Variants in SULF1 observed in about 807,000 individuals in gnomAD.
SULF1 encodes the protein extracellular sulfatase Sulf-1.
Under a neutral mutation model 110.5 loss-of-function variants are expected in SULF1, and 46 were observed. The ratio of observed to expected loss-of-function variants is 0.42; its 90% CI spans 0.33 to 0.53. The LOEUF (loss-of-function observed/expected upper bound fraction) is 0.53. SULF1 is among the 20% of genes least tolerant of loss of function. SULF1 has a pLI of 0.12. For missense variants in SULF1, 941 were observed against 1,094.2 expected, an observed-to-expected ratio of 0.86 and a Z score of 1.98; for synonymous variants, 371 against 387.1, an observed-to-expected ratio of 0.96 and a Z score of 0.49.
chr8:69,616,487 C>T (rs896673103), intron 13 of SULF1, among the ~76,000 whole-genome samples: 19 of 151,762 alleles, frequency 1.3e-4, no homozygotes, highest in East Asian at 9.7e-4. Context: ...CGGCAACCTC[C>T]GCCTCCCAGG....
intron 22 of SULF1, among the ~76,000 whole-genome samples, chr8:69,643,810 G>T (rs1345640442): frequency 1.3e-5 from 2 of 152,224 alleles, no homozygotes; most frequent in Non-Finnish European, 2.9e-5. Flanking sequence ...AGCTCAGAAG[G>T]TGGCACTCAT....
At chr8:69,470,736 C>T (rs917320103) in intron 1 of SULF1, among the ~76,000 whole-genome samples, 1 of 152,184 alleles carries the variant, frequency 6.6e-6, no homozygotes, top group Non-Finnish European at 1.5e-5. Context: ...TAAACCCTTA[C>T]TACCCATAAA....
chr8:69,590,151 A>C (rs1362533363), intron 8 of SULF1, among the ~76,000 whole-genome samples: 14 of 152,102 alleles, frequency 9.2e-5, no homozygotes, highest in Non-Finnish European at 8.8e-5. Flanking sequence ...ATCCCTAGAG[A>C]AGTTTTTATA....
upstream of SULF1, among the ~76,000 whole-genome samples, chr8:69,488,274 C>A (rs760769405): frequency 6.6e-6 from 1 of 152,176 alleles, no homozygotes; most frequent in Non-Finnish European, 1.5e-5. Context: ...AGAAAAAATT[C>A]TTCCTGCTAC....
At chr8:69,566,866 T>C (rs948617423) in intron 5 of SULF1, among the ~76,000 whole-genome samples, 1 of 152,102 alleles carries the variant, frequency 6.6e-6, no homozygotes, top group Non-Finnish European at 1.5e-5. Context: ...AAAAAAGAAC[T>C]AGCTTGTTTA....
chr8:69,562,025 C>T (rs1029951546), intron 3 of SULF1, among the ~76,000 whole-genome samples: 1 of 152,222 alleles, frequency 6.6e-6, no homozygotes, highest in Non-Finnish European at 1.5e-5. Flanking sequence ...TTAGTGACTT[C>T]TACAGGGCTG....
chr8:69,638,989 C>T lies in SULF1; in HGVS notation c.2551+131C>T, dbSNP rs961969444. Reference sequence around the variant, plus strand: ...ATACTTAGAGGAGACACTTTCCAGGCAATTCTAAATACAATTTGATCTCTA... The same window carrying T: ...ATACTTAGAGGAGACACTTTCCAGGTAATTCTAAATACAATTTGATCTCTA... On this transcript the variant is annotated intron_variant, in intron 21 of 22. Coordinates refer to ENST00000402687, the MANE Select transcript of SULF1 (RefSeq NM_001128205.2). 188 of 920,208 alleles carry T rather than the reference C, an allele frequency of 2.0e-4. No homozygotes were observed. The African/African-American group carries it at 2.5e-3, about 12-fold the overall frequency. The allele number at this position is 920,208 out of a possible 1,614,324, so 57.0% of individuals were successfully genotyped here. A position where few individuals can be genotyped will look rare whatever the true frequency, so the allele number is the denominator to read the frequency against.
In SULF1 at chr8:69,656,646, A is replaced by G. The variant is rs184695776; in HGVS notation, c.2586-1859A>G. Reference sequence around the variant, plus strand: ...CTTCATCCATGTCCCTGAATAGGAAATGATCTCATTCCTTTTTATGGCTGC... The same window carrying G: ...CTTCATCCATGTCCCTGAATAGGAAGTGATCTCATTCCTTTTTATGGCTGC... On this transcript the variant is annotated intron_variant, in intron 22 of 22. Coordinates refer to ENST00000402687, the MANE Select transcript of SULF1 (RefSeq NM_001128205.2). 3.3e-3 allele frequency among the ~76,000 whole-genome samples: 498 copies of G among 152,298 alleles called. 4 individuals are homozygous for G. Among genetic ancestry groups the G allele is most frequent in the Middle Eastern group, 0.02 (6 of 294 alleles).
intron 1 of SULF1, among the ~76,000 whole-genome samples, chr8:69,485,630 C>T (rs1563459582): frequency 6.6e-6 from 1 of 152,206 alleles, no homozygotes; most frequent in Non-Finnish European, 1.5e-5. Flanking sequence ...ATCAGCATCT[C>T]ACACAGACTG....
intron 5 of SULF1, among the ~76,000 whole-genome samples, chr8:69,570,477 G>A (rs1051962593): frequency 3.3e-5 from 5 of 152,186 alleles, no homozygotes; most frequent in East Asian, 1.9e-4. Flanking sequence ...CAGGATCTCC[G>A]TGTGATTTTA....
chr8:69,514,079 A>T (rs541894734), intron 3 of SULF1, among the ~76,000 whole-genome samples: 1 of 152,304 alleles, frequency 6.6e-6, no homozygotes, highest in Admixed American at 6.5e-5. Flanking sequence ...GCTCACTTTC[A>T]GCACTGAGAT....
At chr8:69,521,617 T>C (rs1812304594) in intron 3 of SULF1, among the ~76,000 whole-genome samples, 1 of 151,914 alleles carries the variant, frequency 6.6e-6, no homozygotes, top group South Asian at 2.1e-4. Flanking sequence ...ATGTCAGAAA[T>C]GGAATGAGCA....
At chr8:69,479,216 CTA>C (rs1449468561) in intron 1 of SULF1, among the ~76,000 whole-genome samples, 1 of 152,158 alleles carries the variant, frequency 6.6e-6, no homozygotes, top group Non-Finnish European at 1.5e-5. Flanking sequence ...ACTCAGGATT[CTA>C]TGTTATCAAT....
chr8:69,517,124 G>A (rs80180246), intron 3 of SULF1, among the ~76,000 whole-genome samples: 162 of 152,264 alleles, frequency 1.1e-3, no homozygotes, highest in African/African-American at 3.7e-3. Context: ...ATCTGGTGAA[G>A]GTCTTGTGCT....
At position 69,601,001 on chromosome 8, in the gene SULF1, C is replaced by T. The variant is rs142788665; in HGVS notation, c.885+248C>T. 3.5e-3 allele frequency among the ~76,000 whole-genome samples: 524 copies of T among 149,980 alleles called. 2 individuals carry two copies. Among genetic ancestry groups the T allele is most frequent in the African/African-American group, 0.012 (505 of 40,412 alleles). On this transcript the variant is annotated intron_variant, in intron 9 of 22. Transcript: ENST00000402687. ...AAAGAGGAGAGAAAAATCAAATCAG[C>T]GTAGATCAGGGGCCACATCCTCAAA...
intron 3 of SULF1, among the ~76,000 whole-genome samples, chr8:69,538,054 G>C (rs914250352): frequency 2.0e-5 from 3 of 151,350 alleles, no homozygotes; most frequent in African/African-American, 7.3e-5. Context: ...TCCGCCCCCC[G>C]GGGTTCACGC....
chr8:69,603,344 G>C, intron 11 of SULF1, 24 bp downstream of exon 11: 1 of 1,613,670 alleles, frequency 6.2e-7, no homozygotes, highest in Non-Finnish European at 8.5e-7. Context: ...CCTCCTCTCA[G>C]CCAGCCCCAA....
intron 22 of SULF1, among the ~76,000 whole-genome samples, chr8:69,650,088 C>G (rs1051965248): frequency 1.4e-5 from 2 of 144,936 alleles, no homozygotes; most frequent in Non-Finnish European, 3.0e-5. Flanking sequence ...CTTGACCCCC[C>G]AGGCTCAAGG....
Position 69,649,972 on chromosome 8 carries a change from C to CTTTTTTTTTTTTTT in SULF1, c.2586-8509_2586-8496dup, listed in dbSNP as rs536073966. Among the ~76,000 whole-genome samples, 15 of 30,588 alleles carry CTTTTTTTTTTTTTT rather than the reference C, an allele frequency of 4.9e-4. 7 individuals carry two copies. The highest frequency in any genetic ancestry group is 8.6e-4 in the Non-Finnish European group (13 of 15,148). 20.1% of individuals were successfully genotyped at this position (30,588 alleles called of 152,430 possible). A position where few individuals can be genotyped will look rare whatever the true frequency, so the allele number is the denominator to read the frequency against. On this transcript the variant is annotated intron_variant, in intron 22 of 22. Transcript: ENST00000402687. ...CCCACTCTGTAATTCCTCCTGCTTG[C>CTTTTTTTTTTTTTT]TTTTTTTTTTTTTTTTTTTTTTTTT...
Sources: gnomAD v4.1 joint callset for allele counts (sites outside exome capture counted in the v4.1 genomes callset) on GRCh38, gnomAD v4.1.1 for gene constraint, MANE v1.5 for transcripts, NCBI Gene and HGNC (gene_info 2026-07-23, HGNC 2026-07-21) for gene names.